The following ZMYM5 variants were observed in gnomAD, a reference collection of about 807,000 sequenced individuals.
The protein encoded by ZMYM5 is zinc finger MYM-type protein 5.
A neutral mutation model predicts 61.8 loss-of-function variants in ZMYM5; 41 were observed. The ratio of observed to expected loss-of-function variants is 0.66; its 90% confidence interval spans 0.52 to 0.86. The LOEUF (loss-of-function observed/expected upper bound fraction) is 0.86, where lower values mean the gene tolerates loss of function less well. Ranked by LOEUF, ZMYM5 falls within the 40% of genes least tolerant of loss-of-function variation. The pLI is 0.00. For missense variants in ZMYM5, 706 were observed against 786.7 expected (o/e 0.90, Z 1.23); for synonymous variants, 257 against 276.4 (o/e 0.93, Z 0.70).
chr13:19,844,889 C>T (rs4343122), intron 4 of ZMYM5, among the ~76,000 whole-genome samples: 16,427 of 152,236 alleles, frequency 0.11, 1,013 homozygotes, highest in Middle Eastern at 0.14. Flanking sequence ...TCCCAAAGTG[C>T]TGGGATTATA....
At chr13:19,835,328 C>A (rs912719379) in intron 7 of ZMYM5, 149 bp downstream of exon 7, 2 of 547,448 alleles carry the variant, frequency 3.7e-6, no homozygotes, top group Non-Finnish European at 5.7e-6. Context: ...TTACAACAAT[C>A]TTAGACTTGA....
rs769874069 is a variant in ZMYM5 at position 19,851,840 on chromosome 13, C to T, written c.341G>A (p.Ser114Asn). ...TTCATCATCAATAACAATTGTCTCA[C>T]TTATATTTCCTTTCTGAGATGCCAA... Reference protein sequence around the residue: ...RDLASQKGNISETIVIDDEED... With the variant: ...RDLASQKGNINETIVIDDEED... The change falls in exon 3 of 8, where the codon AGT becomes AAT. Residue 114 changes from serine to asparagine, a missense_variant. Ser to Asn is a conservative substitution (Grantham distance 46). Coordinates refer to ENST00000337963, the MANE Select transcript of ZMYM5 (RefSeq NM_001142684.2). 28 of 1,612,364 alleles carry T rather than the reference C, an allele frequency of 1.7e-5. No individual in the cohort carries two copies. Among genetic ancestry groups the T allele is most frequent in the Non-Finnish European group, 2.4e-5 (28 of 1,179,722 alleles).
intron 2 of ZMYM5, among the ~76,000 whole-genome samples, chr13:19,860,287 G>A (rs930282807): frequency 2.7e-5 from 4 of 147,212 alleles, no homozygotes; most frequent in Non-Finnish European, 4.5e-5. Context: ...CAGCACACCC[G>A]TTTAATTTTT....
chr13:19,855,855 T>G (rs1227428464), intron 2 of ZMYM5, among the ~76,000 whole-genome samples: 3 of 149,956 alleles, frequency 2.0e-5, no homozygotes, highest in Non-Finnish European at 4.4e-5. Flanking sequence ...ACTAAAAAAA[T>G]ACAAAAAAAA....
At chr13:19,838,418 T>C (rs1447952397) in intron 5 of ZMYM5, among the ~76,000 whole-genome samples, 1 of 152,084 alleles carries the variant, frequency 6.6e-6, no homozygotes, top group Admixed American at 6.6e-5. Flanking sequence ...AATAAATTCA[T>C]AGAACTAAGG....
chr13:19,823,788 G>C lies in ZMYM5; in HGVS notation c.*689C>G, dbSNP rs1207985430. The C allele has an allele frequency of 1.3e-5, 2 of 152,030 alleles. No homozygotes were observed. The highest frequency in any genetic ancestry group is 4.8e-5 in the African/African-American group (2 of 41,402). The allele number at this position is 152,030 out of a possible 1,614,324, so 9.4% of individuals were successfully genotyped here. ...TTCACATAAGTATCTTATTCAAACT[G>C]GTATTGATCAATTCAAGCCTTTCTT... On this transcript the variant is annotated 3_prime_UTR_variant, in exon 8 of 8. Coordinates refer to ENST00000337963, the MANE Select transcript of ZMYM5 (RefSeq NM_001142684.2).
chr13:19,853,756 AT>A (rs1566107509), intron 2 of ZMYM5, among the ~76,000 whole-genome samples: 1 of 146,930 alleles, frequency 6.8e-6, no homozygotes, highest in Non-Finnish European at 1.5e-5. Flanking sequence ...TATTTTTTGT[AT>A]TTTTGCTAGC....
At chr13:19,834,462 T>C (rs541418594) in intron 7 of ZMYM5, among the ~76,000 whole-genome samples, 3 of 151,906 alleles carry the variant, frequency 2.0e-5, no homozygotes, top group African/African-American at 7.2e-5. Context: ...TTAATTTTTT[T>C]TTTTTTGTAG....
intron 4 of ZMYM5, among the ~76,000 whole-genome samples, chr13:19,846,274 A>C (rs1230238305): frequency 6.6e-6 from 1 of 152,204 alleles, no homozygotes; most frequent in Admixed American, 6.6e-5. Context: ...CCAAAGTACA[A>C]AGGTTATCTT....
rs746315083 is a variant in ZMYM5, at chr13:19,824,813, C to T, written c.1674G>A (p.Lys558=). ...TCCGTGTATAATAAGTTTCTGAAAA[C>T]TTCCTCCCTGTATTATCTTTTGGAA... The part of the protein sequence containing the change: ...FNFPKDNTGR[K]FSETYYTRIL... Residue 558 remains lysine (K), a synonymous_variant, in exon 8 of 8, where the codon AAG becomes AAA. Coordinates refer to ENST00000337963, the MANE Select transcript of ZMYM5 (RefSeq NM_001142684.2). 4.4e-6 allele frequency: 6 copies of T among 1,352,176 alleles called. No individual in the cohort carries two copies. Among genetic ancestry groups the T allele is most frequent in the African/African-American group, 1.5e-5 (1 of 67,632 alleles). 83.8% of individuals were successfully genotyped at this position (1,352,176 alleles called of 1,614,324 possible).
At chr13:19,839,104 T>C in intron 4 of ZMYM5, 119 bp from the exon 5 acceptor site, 1 of 1,219,874 alleles carries the variant, frequency 8.2e-7, no homozygotes, top group Non-Finnish European at 1.1e-6. Flanking sequence ...AACATGTGGT[T>C]AAGGCCAAAC....
At chr13:19,862,967 G>T (rs1008385316) in intron 1 of ZMYM5, among the ~76,000 whole-genome samples, 11 of 152,204 alleles carry the variant, frequency 7.2e-5, no homozygotes, top group African/African-American at 2.4e-4. Context: ...TAAAAGCCGC[G>T]CAGCGCCTGG....
At position 19,823,836 on chromosome 13, in the gene ZMYM5, C is replaced by CATA. The variant is rs1339271500; in HGVS notation, c.*638_*640dup. 1 of 152,052 alleles carries CATA rather than the reference C, an allele frequency of 6.6e-6. No individual in the cohort carries two copies. The highest frequency in any genetic ancestry group is 1.9e-4 in the East Asian group (1 of 5,186). 9.4% of individuals were successfully genotyped at this position (152,052 alleles called of 1,614,324 possible). On this transcript the variant is annotated 3_prime_UTR_variant, in exon 8 of 8. Transcript: ENST00000337963. Reference sequence around the variant, plus strand: ...CTTTCCTCTTTCAAGGTAATTAGAACATAATATTTTTCTTTCTTTTGAGAC... The same window carrying CATA: ...CTTTCCTCTTTCAAGGTAATTAGAACATAATAATATTTTTCTTTCTTTTGAGAC...
chr13:19,858,430 C>T (rs190908443), intron 2 of ZMYM5, among the ~76,000 whole-genome samples: 4 of 151,270 alleles, frequency 2.6e-5, no homozygotes, highest in African/African-American at 9.7e-5. Context: ...ACAAAAAATA[C>T]AAAAATTAGC....
chr13:19,830,051 A>G (rs184216316), intron 7 of ZMYM5, among the ~76,000 whole-genome samples: 1 of 152,268 alleles, frequency 6.6e-6, no homozygotes, highest in Non-Finnish European at 1.5e-5. Flanking sequence ...TCTATCCACT[A>G]GAGTCCAGCA....
intron 2 of ZMYM5, among the ~76,000 whole-genome samples, chr13:19,854,926 T>C (rs9552019): frequency 0.013 from 1,965 of 152,292 alleles, 104 homozygotes; most frequent in Admixed American, 0.1. Flanking sequence ...TGGAAAACAA[T>C]TGTTAAAAAT....
chr13:19,850,376 G>A (rs1404502226), intron 4 of ZMYM5, among the ~76,000 whole-genome samples: 1 of 152,078 alleles, frequency 6.6e-6, no homozygotes, highest in African/African-American at 2.4e-5. Context: ...GAGGTGGGCA[G>A]ATCACCTGAG....
At chr13:19,835,040 G>T (rs1353400813) in intron 7 of ZMYM5, among the ~76,000 whole-genome samples, 1 of 150,874 alleles carries the variant, frequency 6.6e-6, no homozygotes, top group Non-Finnish European at 1.5e-5. Flanking sequence ...TGCCTAGTTG[G>T]AGTGCAGTGG....
intron 4 of ZMYM5, among the ~76,000 whole-genome samples, chr13:19,844,686 A>G (rs543863021): frequency 6.6e-6 from 1 of 152,278 alleles, no homozygotes; most frequent in South Asian, 2.1e-4. Context: ...CAGTGGCGCA[A>G]TATCGGCTCA....
Sources: gnomAD v4.1 joint callset for allele counts (sites outside exome capture counted in the v4.1 genomes callset) on GRCh38, gnomAD v4.1.1 for gene constraint, MANE v1.5 for transcripts, NCBI Gene and HGNC (gene_info 2026-07-23, HGNC 2026-07-21) for gene names.